The following FMNL1 variants were observed in gnomAD, a reference collection of about 807,000 sequenced individuals.
The protein encoded by FMNL1 is formin like 1.
A neutral mutation model predicts 121.3 loss-of-function variants in FMNL1; 43 were observed. That is an observed-to-expected ratio of 0.35 (90% confidence interval 0.28 to 0.46). FMNL1 has a LOEUF of 0.46. Ranked by LOEUF, FMNL1 falls within the 20% of genes least tolerant of loss-of-function variation. The pLI is 1.00. For synonymous variants in FMNL1, 613 were observed against 613.5 expected, an observed-to-expected ratio of 1.00 and a Z score of 0.01; for missense variants, 1,191 against 1,482.4, an observed-to-expected ratio of 0.80 and a Z score of 3.23.
At chr17:45,240,402 A>AG (rs2043658709) in intron 11 of FMNL1, 74 bp from the exon 12 acceptor site, 9 of 1,473,620 alleles carry the variant, frequency 6.1e-6, no homozygotes. Context: ...CAGTGGTGGC[A>AG]GGGGGGTGGT....
rs755014067 is a variant in FMNL1, at chr17:45,245,582, T to C, written c.2893-50T>C. ...ATCAGGTGGCCAGTGTCCTGAGGGG[T>C]ACAGGCTGTGAGAGGTCTAAGCTGG... On this transcript the variant is annotated intron_variant, in intron 22 of 26. Transcript: ENST00000331495. 1.9e-6 allele frequency: 3 copies of C among 1,607,550 alleles called. No homozygotes were observed. In the South Asian group the frequency reaches 3.3e-5, roughly 18 times the overall value.
chr17:45,224,121 G>A (rs1290864536), intron 1 of FMNL1, among the ~76,000 whole-genome samples: 5 of 152,148 alleles, frequency 3.3e-5, no homozygotes, highest in Non-Finnish European at 7.4e-5. Context: ...CCCCTACCAG[G>A]TGCCCAGGAA....
chr17:45,226,298 C>A (rs1052362159), intron 1 of FMNL1, among the ~76,000 whole-genome samples: 1 of 152,210 alleles, frequency 6.6e-6, no homozygotes, highest in Non-Finnish European at 1.5e-5. Context: ...TCCACTTCCC[C>A]CTGAGAGAGG....
At chr17:45,240,050 C>T (rs535817652) in intron 11 of FMNL1, among the ~76,000 whole-genome samples, 21 of 152,334 alleles carry the variant, frequency 1.4e-4, no homozygotes, top group African/African-American at 4.8e-4. Flanking sequence ...CTCAGCCTCC[C>T]ACAGTGCTGG....
chr17:45,237,784 A>T lies in FMNL1; in HGVS notation c.894+145A>T. ...CGCCCAAAAGTTGAAGTTGAGCCAC[A>T]TCACTGGCTCAGCAATCTGGGATGG... On this transcript the variant is annotated intron_variant, in intron 9 of 26. Transcript: ENST00000331495. This position sits in a 1 kb window ranked among gnomAD's most constrained non-coding sequence, Gnocchi z 4.4. The T allele has an allele frequency of 1.2e-6, 1 of 832,922 alleles. No individual in the cohort carries two copies. The highest frequency in any genetic ancestry group is 1.9e-6 in the Non-Finnish European group (1 of 514,446). 51.6% of individuals were successfully genotyped at this position (832,922 alleles called of 1,614,324 possible).
In FMNL1 at chr17:45,247,077, G is replaced by A; in HGVS notation, c.*219G>A. 1 of 618,694 alleles carries A rather than the reference G, an allele frequency of 1.6e-6. No individual in the cohort carries two copies. Among genetic ancestry groups the A allele is most frequent in the East Asian group, 2.8e-5 (1 of 36,248 alleles). The allele number at this position is 618,694 out of a possible 1,614,324, so 38.3% of individuals were successfully genotyped here. A position where few individuals can be genotyped will look rare whatever the true frequency, so the allele number is the denominator to read the frequency against. On this transcript the variant is annotated 3_prime_UTR_variant, in exon 27 of 27. Coordinates refer to ENST00000331495, the MANE Select transcript of FMNL1 (RefSeq NM_005892.4). The stretch of plus-strand genomic sequence containing the variant: ...CTGGCCGGGCAGCCCCTCCTCCGCT[G>A]TGGCCCGCCTCAAACGGGCTGGTGC...
intron 7 of FMNL1, 114 bp downstream of exon 7, chr17:45,236,358 G>A (rs112471450): frequency 1.2e-6 from 1 of 842,634 alleles, no homozygotes; most frequent in Non-Finnish European, 1.9e-6. Flanking sequence ...TGCTGTGCTG[G>A]GGAACTTGCG....
rs892579479 is a variant in FMNL1 at position 45,247,231 on chromosome 17, A to G, written c.*373A>G. 5.3e-5 allele frequency: 25 copies of G among 475,890 alleles called. No individual in the cohort carries two copies. The highest frequency in any genetic ancestry group is 8.6e-5 in the Non-Finnish European group (23 of 266,232). 29.5% of individuals were successfully genotyped at this position (475,890 alleles called of 1,614,324 possible). On this transcript the variant is annotated 3_prime_UTR_variant, in exon 27 of 27. Coordinates refer to ENST00000331495, the MANE Select transcript of FMNL1 (RefSeq NM_005892.4). ...AGCAGGAGCCTGGCCTGTAACTTATAAAGTGCACCTCGCCCCCGCAAGCCC... is the reference window on the plus strand; with the variant it reads ...AGCAGGAGCCTGGCCTGTAACTTATGAAGTGCACCTCGCCCCCGCAAGCCC...
At chr17:45,243,057 A>G in intron 16 of FMNL1, 61 bp from the exon 17 acceptor site, 1 of 1,575,950 alleles carries the variant, frequency 6.3e-7, no homozygotes, top group Non-Finnish European at 8.7e-7. Flanking sequence ...CACTGTGCTC[A>G]GCCAGGAGAG....
At chr17:45,242,921 G>A (rs751601624) in intron 16 of FMNL1, among the ~76,000 whole-genome samples, 197 bp from the exon 17 acceptor site, 3 of 152,146 alleles carry the variant, frequency 2.0e-5, no homozygotes, top group South Asian at 4.1e-4. Flanking sequence ...TGGATCCCCC[G>A]GGTTAGGCGG....
chr17:45,242,650 A>G (rs1403398207), intron 16 of FMNL1, among the ~76,000 whole-genome samples, 185 bp downstream of exon 16: 1 of 152,116 alleles, frequency 6.6e-6, no homozygotes, highest in Non-Finnish European at 1.5e-5. Context: ...CTGCTTTCCC[A>G]AACGCCTTCC....
chr17:45,244,170 C>T lies in FMNL1; in HGVS notation c.2449-6C>T, dbSNP rs1422052943. 1 of 1,612,956 alleles carries T rather than the reference C, an allele frequency of 6.2e-7. No homozygotes were observed. Among genetic ancestry groups the T allele is most frequent in the Non-Finnish European group, 8.5e-7 (1 of 1,179,568 alleles). On this transcript the variant is annotated splice_region_variant and splice_polypyrimidine_tract_variant and intron_variant, in intron 18 of 26. Transcript: ENST00000331495. ...ACTTATCTTACCTCCCCCATCCCAC[C>T]CCCAGCAACTGAATGCCATCATTGC...
rs1192573076 is a variant in FMNL1, at chr17:45,233,600, G to A, written c.402-48G>A. On this transcript the variant is annotated intron_variant, in intron 4 of 26. Transcript: ENST00000331495. This position sits in a 1 kb window ranked among gnomAD's most constrained non-coding sequence, Gnocchi z 4.1. ...CTGTCCCTGTTCTGTGCCCATGTGG[G>A]GCAGGACCTCCTTTCTGGCTGGAGC... is the stretch of plus-strand genomic sequence containing the variant. 1.2e-6 allele frequency: 2 copies of A among 1,609,212 alleles called. No individual in the cohort carries two copies. Among genetic ancestry groups the A allele is most frequent in the Non-Finnish European group, 1.7e-6 (2 of 1,176,426 alleles).
At chr17:45,245,770 G>A (rs1157143832) in intron 23 of FMNL1, 37 bp downstream of exon 23, 1 of 1,609,178 alleles carries the variant, frequency 6.2e-7, no homozygotes, top group Non-Finnish European at 8.5e-7. Context: ...GCCCTGTAGG[G>A]CACTGAAGCC....
rs1198072024 is a variant in FMNL1, at chr17:45,247,133, G to T, written c.*275G>T. On this transcript the variant is annotated 3_prime_UTR_variant, in exon 27 of 27. Transcript: ENST00000331495. ...CCTCTTGGCCACAGAGGGCAGCATC[G>T]CCCGCCCCTTCCCCCAAATGCTGCT... 1.7e-6 allele frequency: 1 copy of T among 585,222 alleles called. No homozygotes were observed. Among genetic ancestry groups the T allele is most frequent in the South Asian group, 2.1e-5 (1 of 48,314 alleles). The allele number at this position is 585,222 out of a possible 1,614,324, so 36.3% of individuals were successfully genotyped here.
rs148520068 is a variant in FMNL1 at position 45,245,068 on chromosome 17, C to T, written c.2688C>T (p.Gly896=). ...CTGAGAAGTACCCGCAACTCACAGG[C>T]TTCCACAGCGACCTGCACTTCCTGG... ...VIAEKYPQLT[G]FHSDLHFLDK... is the part of the protein sequence containing the mutation. Residue 896 remains glycine (G), a synonymous_variant, in exon 21 of 27, where the codon GGC becomes GGT. Coordinates refer to ENST00000331495, the MANE Select transcript of FMNL1 (RefSeq NM_005892.4). 2 of 1,614,090 alleles carry T rather than the reference C, an allele frequency of 1.2e-6. No homozygotes were observed. The highest frequency in any genetic ancestry group is 1.7e-6 in the Non-Finnish European group (2 of 1,180,034).
chr17:45,233,430 C>A lies in FMNL1; in HGVS notation c.401+133C>A. On this transcript the variant is annotated intron_variant, in intron 4 of 26. Transcript: ENST00000331495. The surrounding 1 kb of genome is among the most constrained non-coding windows in gnomAD (Gnocchi z 4.1). ...CTTGTGGACCACCTCCTGGAGGTGTCCAGGACAGCTTCCCCTCCCCTTCCT... is the reference window on the plus strand; with the variant it reads ...CTTGTGGACCACCTCCTGGAGGTGTACAGGACAGCTTCCCCTCCCCTTCCT... The A allele has an allele frequency of 9.5e-7, 1 of 1,051,632 alleles. No individual in the cohort carries two copies. The highest frequency in any genetic ancestry group is 1.4e-6 in the Non-Finnish European group (1 of 733,094). The allele number at this position is 1,051,632 out of a possible 1,614,324, so 65.1% of individuals were successfully genotyped here.
chr17:45,232,767 G>A (rs2043465811), intron 3 of FMNL1: 1 of 589,912 alleles, frequency 1.7e-6, no homozygotes, highest in African/African-American at 1.8e-5. Flanking sequence ...AGGTGTGTGT[G>A]TATACTATGT....
chr17:45,233,791 G>A lies in FMNL1; in HGVS notation c.485+60G>A. ...TCAGAGCTTTGATCCCCGTCTCCCT[G>A]CATCTCACCCACTCCCCTGGCCAGT... On this transcript the variant is annotated intron_variant, in intron 5 of 26. Transcript: ENST00000331495. This position sits in a 1 kb window ranked among gnomAD's most constrained non-coding sequence, Gnocchi z 4.1. 1 of 1,594,752 alleles carries A rather than the reference G, an allele frequency of 6.3e-7. No individual in the cohort carries two copies. Among genetic ancestry groups the A allele is most frequent in the Non-Finnish European group, 8.6e-7 (1 of 1,168,818 alleles).
Sources: allele counts gnomAD v4.1 joint callset (sites outside exome capture counted in the v4.1 genomes callset), GRCh38; gene constraint gnomAD v4.1.1; non-coding constraint Gnocchi (gnomAD v3.1); transcripts MANE v1.5; gene names NCBI Gene and HGNC (gene_info 2026-07-23, HGNC 2026-07-21).